Variants in SORCS1 observed in about 807,000 individuals in gnomAD.
SORCS1 encodes sortilin related VPS10 domain containing receptor 1, also known as VPS10 domain-containing receptor SorCS1.
A neutral mutation model predicts 146.1 loss-of-function variants in SORCS1; 60 were observed. The observed-to-expected ratio is 0.41, with a 90% CI of 0.33 to 0.51. The LOEUF (loss-of-function observed/expected upper bound fraction) is 0.51. Ranked by LOEUF, SORCS1 falls within the 20% of genes least tolerant of loss-of-function variation. SORCS1 has a pLI of 0.21. For synonymous variants in SORCS1, 637 were observed against 584.0 expected (o/e 1.09, Z -1.31); for missense variants, 1,352 against 1,487.6 (o/e 0.91, Z 1.50).
At chr10:107,165,873 T>C (rs1590289094), upstream of SORCS1, among the ~76,000 whole-genome samples, 2 of 152,208 alleles carry the variant, frequency 1.3e-5, no homozygotes, top group South Asian at 4.1e-4. This position sits in a 1 kb window ranked among gnomAD's most constrained non-coding sequence, Gnocchi z 4.0. Flanking sequence ...ACCTTTAAAA[T>C]CCCTTCCGCT....
At chr10:106,681,896 G>A (rs1157149815) in intron 10 of SORCS1, among the ~76,000 whole-genome samples, 4 of 152,170 alleles carry the variant, frequency 2.6e-5, no homozygotes, top group South Asian at 2.1e-4. Flanking sequence ...GGGAGGCCAA[G>A]GTGGGTGGAT....
intron 2 of SORCS1, among the ~76,000 whole-genome samples, chr10:106,901,816 G>T (rs1229926782): frequency 6.6e-6 from 1 of 152,108 alleles, no homozygotes; most frequent in Non-Finnish European, 1.5e-5. Flanking sequence ...GGCCGAGGTG[G>T]GTGGATCACG....
At chr10:106,889,707 T>C (rs959003980) in intron 2 of SORCS1, among the ~76,000 whole-genome samples, 3 of 151,758 alleles carry the variant, frequency 2.0e-5, no homozygotes, top group Non-Finnish European at 4.4e-5. Context: ...AGACCATCCT[T>C]GCTAACACGG....
intron 18 of SORCS1, among the ~76,000 whole-genome samples, chr10:106,636,847 T>G (rs2133636157): frequency 6.6e-6 from 1 of 152,326 alleles, no homozygotes. Context: ...TCCAGCACTC[T>G]TACAACTCGT....
chr10:106,599,030 T>A (rs946218509), intron 23 of SORCS1, among the ~76,000 whole-genome samples: 1 of 152,202 alleles, frequency 6.6e-6, no homozygotes, highest in African/African-American at 2.4e-5. Context: ...TTATTCTGTG[T>A]ATTAGGCTAC....
chr10:106,844,584 T>C (rs1025626552), intron 2 of SORCS1, among the ~76,000 whole-genome samples: 2 of 150,506 alleles, frequency 1.3e-5, no homozygotes, highest in African/African-American at 4.9e-5. Flanking sequence ...TTAATTATTA[T>C]TTTTTTTAAA....
chr10:106,891,934 C>T lies in SORCS1; in HGVS notation c.627-62261G>A, dbSNP rs371956695. Reference sequence around the variant, plus strand: ...CCAGGGCTGGGGAGCAGGAGGTAAACCATTCCTTCTTCTACCACAGCGTTC... The same window carrying T: ...CCAGGGCTGGGGAGCAGGAGGTAAATCATTCCTTCTTCTACCACAGCGTTC... On this transcript the variant is annotated intron_variant, in intron 2 of 25. Coordinates refer to ENST00000263054, the MANE Select transcript of SORCS1 (RefSeq NM_052918.5). Among the ~76,000 whole-genome samples, 35 of 152,238 alleles carry T rather than the reference C, an allele frequency of 2.3e-4. No individual in the cohort carries two copies. The South Asian group carries it at 7.3e-3, about 32-fold the overall frequency.
intron 2 of SORCS1, among the ~76,000 whole-genome samples, chr10:106,922,138 T>C (rs1952745177): frequency 6.6e-6 from 1 of 152,226 alleles, no homozygotes; most frequent in Non-Finnish European, 1.5e-5. Flanking sequence ...CATTAGAGCT[T>C]AGGAAAGAAT....
At chr10:106,851,034 C>T (rs910795914) in intron 2 of SORCS1, among the ~76,000 whole-genome samples, 11 of 152,222 alleles carry the variant, frequency 7.2e-5, no homozygotes, top group Non-Finnish European at 1.6e-4. Context: ...TCCACTGCCA[C>T]TACCTTAATC....
Position 106,898,409 on chromosome 10 carries a change from GT to G in SORCS1, c.626+58103del, listed in dbSNP as rs1333662602. On this transcript the variant is annotated intron_variant, in intron 2 of 25. Coordinates refer to ENST00000263054, the MANE Select transcript of SORCS1 (RefSeq NM_052918.5). ...CTTCTGCTGGGCTTTCTATGCAGGA[GT>G]TTTACAGGTACATTAGGAACCAGTT... 6.6e-5 allele frequency among the ~76,000 whole-genome samples: 10 copies of G among 152,274 alleles called. No individual in the cohort carries two copies. The East Asian group carries it at 1.9e-3, about 29-fold the overall frequency.
At chr10:106,928,142 G>A (rs1393942100) in intron 2 of SORCS1, among the ~76,000 whole-genome samples, 7 of 152,358 alleles carry the variant, frequency 4.6e-5, no homozygotes, top group African/African-American at 9.6e-5. Context: ...GGGACTGGGC[G>A]CCGTGGAGCA....
In SORCS1 at chr10:106,730,873, G is replaced by A. The variant is rs539776136; in HGVS notation, c.960-759C>T. 2.6e-5 allele frequency among the ~76,000 whole-genome samples: 4 copies of A among 152,028 alleles called. No individual in the cohort carries two copies. The East Asian group carries it at 7.7e-4, about 29-fold the overall frequency. On this transcript the variant is annotated intron_variant, in intron 5 of 25. Coordinates refer to ENST00000263054, the MANE Select transcript of SORCS1 (RefSeq NM_052918.5). ...AAACTTGGGAACATCTGCACTTTTT[G>A]AAAAAATCAGGCTTTGCAGAACTTT... is the stretch of plus-strand genomic sequence containing the variant.
chr10:107,150,248 G>C (rs777703482), intron 1 of SORCS1, among the ~76,000 whole-genome samples: 4 of 152,180 alleles, frequency 2.6e-5, no homozygotes, highest in Non-Finnish European at 4.4e-5. Flanking sequence ...TTAAAGAAAC[G>C]CATGCCCATG....
upstream of SORCS1, among the ~76,000 whole-genome samples, chr10:107,167,574 C>T (rs1464226754): frequency 6.6e-6 from 1 of 152,080 alleles, no homozygotes; most frequent in African/African-American, 2.4e-5. Context: ...TGCACTGTTC[C>T]GTTCCTTCTC....
chr10:107,119,504 A>ATGTTACTT (rs1208338503), intron 1 of SORCS1, among the ~76,000 whole-genome samples: 11 of 152,210 alleles, frequency 7.2e-5, no homozygotes, highest in Non-Finnish European at 1.5e-4. Flanking sequence ...GGCTTTGAAA[A>ATGTTACTT]TGTTACTTTG....
chr10:106,718,185 C>A (rs1469824242), intron 6 of SORCS1, among the ~76,000 whole-genome samples: 1 of 152,214 alleles, frequency 6.6e-6, no homozygotes, highest in African/African-American at 2.4e-5. Flanking sequence ...TTGGGGAACA[C>A]TGGCTGTGTG....
intron 24 of SORCS1, among the ~76,000 whole-genome samples, chr10:106,590,545 G>T (rs1165508077): frequency 6.6e-6 from 1 of 152,162 alleles, no homozygotes; most frequent in Non-Finnish European, 1.5e-5. Context: ...AACGGCTCAG[G>T]TTTGTTCTTC....
At chr10:106,935,476 CAAT>C (rs1270908736) in intron 2 of SORCS1, among the ~76,000 whole-genome samples, 1 of 151,892 alleles carries the variant, frequency 6.6e-6, no homozygotes, top group Admixed American at 6.6e-5. Context: ...TGCAGTCAAC[CAAT>C]AATGAGTTAT....
intron 2 of SORCS1, among the ~76,000 whole-genome samples, chr10:106,881,650 G>A (rs1244418474): frequency 6.6e-6 from 1 of 152,170 alleles, no homozygotes; most frequent in African/African-American, 2.4e-5. Context: ...ATGAAGTAGA[G>A]AAGAAATTAA....
Sources: allele counts gnomAD v4.1 joint callset (sites outside exome capture counted in the v4.1 genomes callset), GRCh38; gene constraint gnomAD v4.1.1; non-coding constraint Gnocchi (gnomAD v3.1); transcripts MANE v1.5; gene names NCBI Gene and HGNC (gene_info 2026-07-23, HGNC 2026-07-21).